The following TMEM232 variants were observed in gnomAD, a reference collection of about 807,000 sequenced individuals.
TMEM232 encodes the protein transmembrane protein 232.
A neutral mutation model predicts 78.8 loss-of-function variants in TMEM232; 80 were observed. The observed-to-expected ratio is 1.01, with a 90% CI of 0.85 to 1.22. The LOEUF (loss-of-function observed/expected upper bound fraction) is 1.22, where lower values mean the gene tolerates loss of function less well. Ranked by LOEUF, TMEM232 falls within the 50% of genes most tolerant of loss-of-function variation. The pLI is 0.00. For synonymous variants in TMEM232, 297 were observed against 254.3 expected, an observed-to-expected ratio of 1.17 and a Z score of -1.60; for missense variants, 881 against 742.2, an observed-to-expected ratio of 1.19 and a Z score of -2.17.
At chr5:110,631,242 G>C (rs1173382690) in intron 5 of TMEM232, among the ~76,000 whole-genome samples, 2 of 152,094 alleles carry the variant, frequency 1.3e-5, no homozygotes, top group Admixed American at 6.6e-5. Flanking sequence ...GCAGTCCCTG[G>C]GACAAAGGAA....
chr5:110,476,253 G>A (rs1017072080), intron 12 of TMEM232, among the ~76,000 whole-genome samples: 1 of 151,928 alleles, frequency 6.6e-6, no homozygotes, highest in African/African-American at 2.4e-5. Flanking sequence ...AATGTTAAAT[G>A]AAGTCATATG....
At chr5:110,509,173 G>A (rs1395723283) in intron 12 of TMEM232, among the ~76,000 whole-genome samples, 5 of 151,384 alleles carry the variant, frequency 3.3e-5, no homozygotes, top group Non-Finnish European at 5.9e-5. Context: ...GTTCATGCCT[G>A]TAATCCAAGA....
At chr5:110,611,724 T>A (rs1380428579) in intron 8 of TMEM232, among the ~76,000 whole-genome samples, 1 of 152,172 alleles carries the variant, frequency 6.6e-6, no homozygotes, top group African/African-American at 2.4e-5. Flanking sequence ...ATAGTCACAG[T>A]TATGCTATAG....
intron 1 of TMEM232, among the ~76,000 whole-genome samples, chr5:110,678,243 T>G (rs1056970623): frequency 1.3e-5 from 2 of 152,048 alleles, no homozygotes; most frequent in Middle Eastern, 3.2e-3. Flanking sequence ...TTTTGTATTT[T>G]TAGTAGAGAC....
chr5:110,592,453 T>C (rs1779643042), intron 10 of TMEM232, among the ~76,000 whole-genome samples: 1 of 152,158 alleles, frequency 6.6e-6, no homozygotes, highest in Non-Finnish European at 1.5e-5. Flanking sequence ...TTAGATGTCA[T>C]AGAAAAATGT....
At chr5:110,677,530 T>C (rs1273270335) in intron 1 of TMEM232, among the ~76,000 whole-genome samples, 2 of 152,224 alleles carry the variant, frequency 1.3e-5, no homozygotes, top group Non-Finnish European at 2.9e-5. Flanking sequence ...AAGTGGGTGA[T>C]AATCTTTATA....
chr5:110,512,741 A>C (rs1178997119), intron 12 of TMEM232, among the ~76,000 whole-genome samples: 1 of 152,190 alleles, frequency 6.6e-6, no homozygotes. Context: ...TGAAAGAGCA[A>C]AGAGCACACA....
intron 10 of TMEM232, among the ~76,000 whole-genome samples, chr5:110,580,822 G>T (rs1778122571): frequency 6.6e-6 from 1 of 151,326 alleles, no homozygotes; most frequent in African/African-American, 2.4e-5. Flanking sequence ...CAAGAAGATT[G>T]AAACTATGCT....
chr5:110,625,276 A>C lies in TMEM232; in HGVS notation c.759T>G (p.Asp253Glu), dbSNP rs1014262995. The C allele has an allele frequency of 1.3e-6, 2 of 1,536,232 alleles. No homozygotes were observed. The highest frequency in any genetic ancestry group is 2.8e-5 in the African/African-American group (2 of 72,174). ...VEDKKRYENT[D>E]SDMGGYEINH... ...ATACCAGATTACTCACCATATCAGAATCTGTGTTCTCATATCTTTTCTTAT... is the reference window on the plus strand; with the variant it reads ...ATACCAGATTACTCACCATATCAGACTCTGTGTTCTCATATCTTTTCTTAT... The change falls in exon 7 of 14, where the codon GAT becomes GAG. Residue 253 changes from aspartate (D) to glutamate (E), a missense_variant. By Grantham distance (45) the Asp-to-Glu change is conservative. Transcript: ENST00000455884.
intron 1 of TMEM232, among the ~76,000 whole-genome samples, chr5:110,675,631 C>T (rs1023130841): frequency 6.6e-6 from 1 of 152,124 alleles, no homozygotes; most frequent in African/African-American, 2.4e-5. Flanking sequence ...TTTTCTCCAC[C>T]CCCAGCATTA....
intron 2 of TMEM232, among the ~76,000 whole-genome samples, chr5:110,654,459 T>G (rs1179258077): frequency 2.0e-5 from 3 of 152,220 alleles, no homozygotes; most frequent in Non-Finnish European, 1.5e-5. Flanking sequence ...CAGATAGTTG[T>G]AGATATGTGG....
At chr5:110,520,691 G>A (rs530444520) in intron 12 of TMEM232, among the ~76,000 whole-genome samples, 60 of 152,194 alleles carry the variant, frequency 3.9e-4, no homozygotes, top group African/African-American at 1.3e-3. Flanking sequence ...AGGCCGAGGC[G>A]GGTGGATCAC....
rs1433740681 is a variant in TMEM232, at chr5:110,391,320, T to TGAGAGAGAGA, written n.391-681_391-680insTCTCTCTCTC. 6.4e-3 allele frequency among the ~76,000 whole-genome samples: 893 copies of TGAGAGAGAGA among 139,252 alleles called. 9 individuals carry two copies. Among genetic ancestry groups the TGAGAGAGAGA allele is most frequent in the African/African-American group, 0.026 (844 of 32,904 alleles). 91.4% of individuals were successfully genotyped at this position (139,252 alleles called of 152,430 possible). ...GTGTGTGTGTGTGTGTGTGTGTGTGTGTGTGTGAGAGAGAGAGAGAGAGAG... is the reference window on the plus strand; with the variant it reads ...GTGTGTGTGTGTGTGTGTGTGTGTGTGAGAGAGAGAGTGTGTGAGAGAGAGAGAGAGAGAG... On this transcript the variant is annotated intron_variant and non_coding_transcript_variant, in intron 3 of 8. Coordinates refer to the TMEM232 transcript ENST00000507188.
intron 8 of TMEM232, among the ~76,000 whole-genome samples, chr5:110,615,810 T>C (rs1368430693): frequency 1.3e-5 from 2 of 152,088 alleles, no homozygotes; most frequent in African/African-American, 2.4e-5. Context: ...TTTCAGGTGA[T>C]AAAATCAACA....
At chr5:110,410,790 G>C (rs535319240) in intron 2 of TMEM232, among the ~76,000 whole-genome samples, 2 of 152,282 alleles carry the variant, frequency 1.3e-5, no homozygotes, top group African/African-American at 4.8e-5. Context: ...TTGAGGTACA[G>C]AGAGGTGGGT....
chr5:110,535,030 A>C (rs572261965), intron 11 of TMEM232, among the ~76,000 whole-genome samples: 3 of 151,914 alleles, frequency 2.0e-5, no homozygotes, highest in Non-Finnish European at 2.9e-5. Flanking sequence ...ATCACCCATT[A>C]TCTCTCCATA....
At chr5:110,538,523 CA>C (rs1772691318) in intron 11 of TMEM232, among the ~76,000 whole-genome samples, 1 of 152,172 alleles carries the variant, frequency 6.6e-6, no homozygotes, top group Admixed American at 6.5e-5. Context: ...GCTCTTGCTT[CA>C]AATGCAAGAA....
chr5:110,555,513 TAGGTCCTTTTGGTAA>T (rs1368274034), intron 11 of TMEM232, among the ~76,000 whole-genome samples: 1 of 152,190 alleles, frequency 6.6e-6, no homozygotes, highest in African/African-American at 2.4e-5. Flanking sequence ...AGATTTCTGT[TAGGTCCTTTTGGTAA>T]AGTGTCAAGT....
intron 11 of TMEM232, among the ~76,000 whole-genome samples, chr5:110,533,677 G>T (rs1007028094): frequency 1.3e-5 from 2 of 152,092 alleles, no homozygotes; most frequent in South Asian, 2.1e-4. Flanking sequence ...TCCTGGCCCG[G>T]ACTTCAATCT....
Sources: gnomAD v4.1 joint callset for allele counts (sites outside exome capture counted in the v4.1 genomes callset) on GRCh38, gnomAD v4.1.1 for gene constraint, MANE v1.5 for transcripts, NCBI Gene and HGNC (gene_info 2026-07-23, HGNC 2026-07-21) for gene names.